MAPK4: variants seen among roughly 807,000 people sequenced by gnomAD.
MAPK4 encodes mitogen-activated protein kinase 4.
MAPK4 carries 22 observed loss-of-function variants against 47.7 expected under a neutral mutation model. That is an observed-to-expected ratio of 0.46 (90% CI 0.33 to 0.66). The LOEUF (loss-of-function observed/expected upper bound fraction) is 0.66. Ranked by LOEUF, MAPK4 falls within the 30% of genes least tolerant of loss-of-function variation. MAPK4 has a pLI of 0.02. For missense variants in MAPK4, 736 were observed against 831.7 expected (o/e 0.88, Z 1.42); for synonymous variants, 390 against 365.7 (o/e 1.07, Z -0.76).
chr18:50,654,964 G>A (rs866013770), intron 1 of MAPK4, among the ~76,000 whole-genome samples: 1 of 152,196 alleles, frequency 6.6e-6, no homozygotes, highest in African/African-American at 2.4e-5. Flanking sequence ...TGCTCTTTGG[G>A]GAGGAGGGAA....
chr18:50,645,764 G>A (rs1216569478), intron 1 of MAPK4, among the ~76,000 whole-genome samples: 1 of 152,186 alleles, frequency 6.6e-6, no homozygotes, highest in African/African-American at 2.4e-5. Flanking sequence ...TAATGGTTGA[G>A]GGCATGGCAT....
At chr18:50,679,560 C>A (rs1223698206) in intron 2 of MAPK4, among the ~76,000 whole-genome samples, 2 of 152,070 alleles carry the variant, frequency 1.3e-5, no homozygotes, top group African/African-American at 4.8e-5. Context: ...CACAAAGGAG[C>A]CCCTAGGGTT....
At chr18:50,693,566 C>T (rs988061625) in intron 2 of MAPK4, among the ~76,000 whole-genome samples, 1 of 152,128 alleles carries the variant, frequency 6.6e-6, no homozygotes, top group Non-Finnish European at 1.5e-5. Flanking sequence ...ATGTGATGAT[C>T]CAAATCATAA....
At chr18:50,640,097 A>T (rs1026112452) in intron 1 of MAPK4, among the ~76,000 whole-genome samples, 26 of 152,362 alleles carry the variant, frequency 1.7e-4, no homozygotes, top group South Asian at 1.2e-3. Context: ...TTATTTATAT[A>T]TATCTACACA....
chr18:50,689,703 C>T (rs1309851785), intron 2 of MAPK4, among the ~76,000 whole-genome samples: 3 of 152,128 alleles, frequency 2.0e-5, no homozygotes, highest in Non-Finnish European at 4.4e-5. Context: ...CTCGGTTGGG[C>T]AACAGAGCGA....
At chr18:50,604,840 A>G (rs1045073251) in intron 1 of MAPK4, among the ~76,000 whole-genome samples, 2 of 152,240 alleles carry the variant, frequency 1.3e-5, no homozygotes, top group Non-Finnish European at 2.9e-5. Flanking sequence ...CCCACTGGTG[A>G]CTAGGATGTG....
At chr18:50,704,330 G>A (rs1401541398) in intron 2 of MAPK4, among the ~76,000 whole-genome samples, 1 of 152,186 alleles carries the variant, frequency 6.6e-6, no homozygotes, top group African/African-American at 2.4e-5. Context: ...CCAACATGGT[G>A]AAACCCTGTC....
At chr18:50,588,365 G>T (rs1416522689) in intron 1 of MAPK4, among the ~76,000 whole-genome samples, 7 of 152,216 alleles carry the variant, frequency 4.6e-5, no homozygotes, top group Admixed American at 3.3e-4. Context: ...TCACAGCATG[G>T]TGGTCTCTGG....
intron 1 of MAPK4, among the ~76,000 whole-genome samples, chr18:50,592,951 T>C (rs949354991): frequency 2.6e-5 from 4 of 152,220 alleles, no homozygotes; most frequent in African/African-American, 9.6e-5. Context: ...ATAGCACCTA[T>C]TGTGTAGTGG....
At chr18:50,580,235 C>T (rs1329812151) in intron 1 of MAPK4, among the ~76,000 whole-genome samples, 3 of 152,126 alleles carry the variant, frequency 2.0e-5, no homozygotes, top group South Asian at 2.1e-4. Context: ...TGTTGGCAAA[C>T]GGTCTGTTCT....
chr18:50,568,177 C>T (rs1157367013), intron 1 of MAPK4, among the ~76,000 whole-genome samples: 2 of 147,260 alleles, frequency 1.4e-5, no homozygotes, highest in African/African-American at 5.0e-5. Flanking sequence ...GCCTGGGTGA[C>T]AGAGCCAGAC....
chr18:50,718,900 G>A (rs1477343182), intron 3 of MAPK4, among the ~76,000 whole-genome samples: 1 of 151,892 alleles, frequency 6.6e-6, no homozygotes, highest in Non-Finnish European at 1.5e-5. Flanking sequence ...TGGCCAACAT[G>A]GTGGAACCCC....
At chr18:50,587,906 T>A (rs1315795677) in intron 1 of MAPK4, among the ~76,000 whole-genome samples, 1 of 152,050 alleles carries the variant, frequency 6.6e-6, no homozygotes, top group Non-Finnish European at 1.5e-5. Flanking sequence ...TTTTTATATA[T>A]TTTTAGTAGA....
chr18:50,573,396 A>G (rs2042266752), intron 1 of MAPK4, among the ~76,000 whole-genome samples: 1 of 152,306 alleles, frequency 6.6e-6, no homozygotes, highest in East Asian at 1.9e-4. Context: ...CATGGCTTGC[A>G]TGACTGCCTG....
At chr18:50,560,449 T>C (rs932772621) in intron 1 of MAPK4, among the ~76,000 whole-genome samples, 2 of 151,882 alleles carry the variant, frequency 1.3e-5, no homozygotes, top group African/African-American at 4.8e-5. Flanking sequence ...CCCGCCCGGC[T>C]GCCCTGGGTG....
At chr18:50,615,456 G>T (rs1028141659) in intron 1 of MAPK4, among the ~76,000 whole-genome samples, 15 of 152,266 alleles carry the variant, frequency 9.9e-5, no homozygotes, top group Non-Finnish European at 7.3e-5. Flanking sequence ...GCTCAGAATG[G>T]CTCCCATTGT....
intron 2 of MAPK4, among the ~76,000 whole-genome samples, chr18:50,679,948 C>A (rs1002795132): frequency 6.6e-6 from 1 of 152,136 alleles, no homozygotes; most frequent in South Asian, 2.1e-4. Flanking sequence ...GGCCCAAGGC[C>A]TGCTAACTAG....
intron 1 of MAPK4, among the ~76,000 whole-genome samples, chr18:50,591,987 T>A (rs1348481177): frequency 6.6e-6 from 1 of 152,182 alleles, no homozygotes; most frequent in Non-Finnish European, 1.5e-5. Context: ...ATGAAGCAGC[T>A]TTGTACATGG....
At chr18:50,646,744 C>A (rs970431048) in intron 1 of MAPK4, among the ~76,000 whole-genome samples, 28 of 152,304 alleles carry the variant, frequency 1.8e-4, no homozygotes, top group African/African-American at 6.7e-4. Flanking sequence ...CTTGATTTTT[C>A]TACCTGTGGC....
Sources: gnomAD v4.1 joint callset for allele counts (sites outside exome capture counted in the v4.1 genomes callset) on GRCh38, gnomAD v4.1.1 for gene constraint, MANE v1.5 for transcripts, NCBI Gene and HGNC (gene_info 2026-07-23, HGNC 2026-07-21) for gene names.